Variants in ENTREP2 observed in about 807,000 individuals in gnomAD.
The protein encoded by ENTREP2 is protein ENTREP2.
chr15:29,417,508 A>G, the ENTREP2 span, among the ~76,000 whole-genome samples: 114,556 of 152,040 alleles, frequency 0.75, 44,249 homozygotes, highest in African/African-American at 0.92. Context: ...TTAGGGGAGC[A>G]GAGAGAGATA....
the ENTREP2 span, among the ~76,000 whole-genome samples, chr15:29,255,868 G>T: frequency 1.3e-5 from 2 of 151,996 alleles, no homozygotes; most frequent in African/African-American, 4.8e-5. Flanking sequence ...AGGCATGGTG[G>T]TGGGCGCCTG....
the ENTREP2 span, among the ~76,000 whole-genome samples, chr15:29,422,893 G>A: frequency 4.6e-5 from 7 of 152,192 alleles, no homozygotes; most frequent in Admixed American, 1.3e-4. Context: ...GTGGCCAATG[G>A]AACCGGTGTA....
At chr15:29,422,335 G>GC in the ENTREP2 span, among the ~76,000 whole-genome samples, 2 of 152,228 alleles carry the variant, frequency 1.3e-5, no homozygotes, top group East Asian at 3.9e-4. Context: ...CTGGTGCTGA[G>GC]CAGGTTATCT....
At chr15:29,268,776 C>G in the ENTREP2 span, 3 of 1,588,416 alleles carry the variant, frequency 1.9e-6, no homozygotes, top group East Asian at 2.2e-5. Flanking sequence ...CCGGGGGTCC[C>G]TCTGAATCCA....
the ENTREP2 span, among the ~76,000 whole-genome samples, chr15:29,465,637 CTT>C: frequency 1.3e-5 from 2 of 152,312 alleles, no homozygotes; most frequent in South Asian, 4.1e-4. Flanking sequence ...GACTCTGAGT[CTT>C]TGATTCTCAA....
the ENTREP2 span, among the ~76,000 whole-genome samples, chr15:29,186,028 C>A: frequency 1.3e-5 from 2 of 152,214 alleles, no homozygotes; most frequent in East Asian, 3.9e-4. Context: ...GCAGCACTTT[C>A]TCCAGTCTGG....
At chr15:29,403,459 C>A in the ENTREP2 span, among the ~76,000 whole-genome samples, 1 of 152,092 alleles carries the variant, frequency 6.6e-6, no homozygotes, top group Non-Finnish European at 1.5e-5. Context: ...TTTGTTGATA[C>A]AGAACATTAA....
At chr15:29,631,721 G>C in the ENTREP2 span, among the ~76,000 whole-genome samples, 1 of 152,172 alleles carries the variant, frequency 6.6e-6, no homozygotes, top group Non-Finnish European at 1.5e-5. Flanking sequence ...TGTCTAGCTG[G>C]GGGTGGGGAC....
chr15:29,284,115 C>CAAAG, the ENTREP2 span, among the ~76,000 whole-genome samples: 59 of 152,102 alleles, frequency 3.9e-4, no homozygotes, highest in Middle Eastern at 0.01. Flanking sequence ...AAAGAAATGC[C>CAAAG]AAAGAAACAA....
At chr15:29,266,746 A>T in the ENTREP2 span, 1 of 152,216 alleles carries the variant, frequency 6.6e-6, no homozygotes, top group Non-Finnish European at 1.5e-5. Context: ...GTCATACAAC[A>T]GCCCGATAGC....
chr15:29,243,162 T>G, the ENTREP2 span, among the ~76,000 whole-genome samples: 1 of 152,154 alleles, frequency 6.6e-6, no homozygotes, highest in African/African-American at 2.4e-5. Context: ...CACAAATATG[T>G]GAATACATTT....
the ENTREP2 span, among the ~76,000 whole-genome samples, chr15:29,338,715 A>G: frequency 6.6e-6 from 1 of 152,118 alleles, no homozygotes; most frequent in African/African-American, 2.4e-5. Context: ...ATACCTCTTC[A>G]ACACTCATGA....
chr15:29,574,495 T>C, the ENTREP2 span, among the ~76,000 whole-genome samples: 3 of 152,202 alleles, frequency 2.0e-5, no homozygotes, highest in South Asian at 2.1e-4. Flanking sequence ...GGTTTCACCA[T>C]GTTGGCCAGG....
At chr15:29,402,687 G>C in the ENTREP2 span, among the ~76,000 whole-genome samples, 1 of 152,170 alleles carries the variant, frequency 6.6e-6, no homozygotes, top group African/African-American at 2.4e-5. Context: ...TTGCAAAATG[G>C]TGTGGAAAGT....
At chr15:29,668,214 G>A in the ENTREP2 span, among the ~76,000 whole-genome samples, 2 of 152,164 alleles carry the variant, frequency 1.3e-5, no homozygotes, top group African/African-American at 2.4e-5. Context: ...CCAACAGGCC[G>A]CTCGGGCCTC....
At chr15:29,139,675 T>A in the ENTREP2 span, among the ~76,000 whole-genome samples, 7 of 152,188 alleles carry the variant, frequency 4.6e-5, no homozygotes, top group African/African-American at 1.7e-4. Flanking sequence ...CTGGAGGCTA[T>A]GTAAAGGTCA....
chr15:29,658,463 T>C, the ENTREP2 span, among the ~76,000 whole-genome samples: 1 of 152,090 alleles, frequency 6.6e-6, no homozygotes, highest in South Asian at 2.1e-4. Context: ...GAGGAGGTGG[T>C]TATCAAAAAG....
chr15:29,370,243 G>A, the ENTREP2 span, among the ~76,000 whole-genome samples: 11 of 152,152 alleles, frequency 7.2e-5, no homozygotes, highest in Non-Finnish European at 1.5e-4. Flanking sequence ...CTGTCTATAA[G>A]AGATTCACTA....
At chr15:29,639,475 G>C in the ENTREP2 span, among the ~76,000 whole-genome samples, 2 of 152,114 alleles carry the variant, frequency 1.3e-5, no homozygotes, top group Non-Finnish European at 2.9e-5. Flanking sequence ...TAAAAAATAA[G>C]TCAAATGCTG....
Sources: gnomAD v4.1 joint callset for allele counts (sites outside exome capture counted in the v4.1 genomes callset) on GRCh38, gnomAD v4.1.1 for gene constraint, MANE v1.5 for transcripts, NCBI Gene and HGNC (gene_info 2026-07-23, HGNC 2026-07-21) for gene names.